The following EFHC2 variants were observed in gnomAD, a reference collection of about 807,000 sequenced individuals.
EFHC2 encodes EF-hand domain-containing family member C2.
A neutral mutation model predicts 52.7 loss-of-function variants in EFHC2; 18 were observed. That is an observed-to-expected ratio of 0.34 (90% CI 0.24 to 0.51). The LOEUF is 0.51. Ranked by LOEUF, EFHC2 falls within the 20% of genes least tolerant of loss-of-function variation. The probability of loss-of-function intolerance (pLI) is 0.97; values close to 1 mark genes in which losing one functional copy is unlikely to be tolerated. For synonymous variants in EFHC2, 203 were observed against 204.1 expected, an observed-to-expected ratio of 0.99 and a Z score of 0.04; for missense variants, 513 against 562.5, an observed-to-expected ratio of 0.91 and a Z score of 0.89.
At chrX:44,242,693 T>G (rs1410145193) in intron 7 of EFHC2, among the ~76,000 whole-genome samples, 1 of 110,834 alleles carries the variant, frequency 9.0e-6, no homozygotes, top group Non-Finnish European at 1.9e-5. Context: ...CAGTCAACAC[T>G]CACTAATAAA....
chrX:44,323,973 C>T (rs1361419267), intron 1 of EFHC2, among the ~76,000 whole-genome samples: 1 of 110,967 alleles, frequency 9.0e-6, no homozygotes, highest in Non-Finnish European at 1.9e-5. Flanking sequence ...AAGATGATAA[C>T]AGCCCCTCCC....
intron 8 of EFHC2, among the ~76,000 whole-genome samples, chrX:44,240,051 T>A (rs1483896906): frequency 8.9e-6 from 1 of 112,345 alleles, no homozygotes; most frequent in African/African-American, 3.2e-5. Flanking sequence ...TAGCAATATA[T>A]ATATAATCAA....
At chrX:44,168,351 T>C (rs770310879) in intron 13 of EFHC2, among the ~76,000 whole-genome samples, 5 of 110,694 alleles carry the variant, frequency 4.5e-5, no homozygotes, top group African/African-American at 1.6e-4. Flanking sequence ...GCTAACACAG[T>C]GAAACCCCGT....
Position 44,229,685 on chromosome X carries a change from G to A in EFHC2, c.1715C>T (p.Ser572Phe). ...ATAATCCACCATATTTGTGTGCTTAGAGTCAGCAGCTTTAAATACCTGCTT... is the reference window on the plus strand; with the variant it reads ...ATAATCCACCATATTTGTGTGCTTAAAGTCAGCAGCTTTAAATACCTGCTT... ...ELKQVFKAAD[S>F]KHTNMVDYNT... The change falls in exon 11 of 15, where the codon TCT (serine) becomes TTT (phenylalanine). Residue 572 changes from serine (S) to phenylalanine (F), a missense_variant. Ser to Phe is a radical substitution (Grantham distance 155). Transcript: ENST00000420999. 2 of 1,211,229 alleles carry A rather than the reference G, an allele frequency of 1.7e-6. No homozygotes were observed. The highest frequency in any genetic ancestry group is 2.2e-6 in the Non-Finnish European group (2 of 895,151).
At chrX:44,325,651 T>C (rs1397092184) in intron 1 of EFHC2, among the ~76,000 whole-genome samples, 2 of 108,527 alleles carry the variant, frequency 1.8e-5, no homozygotes, top group Non-Finnish European at 3.8e-5. Context: ...TCAGGAGCTG[T>C]TGATCTGTTT....
intron 2 of EFHC2, chrX:44,309,371 C>A (rs2037928258): frequency 5.9e-6 from 5 of 843,922 alleles, no homozygotes; most frequent in South Asian, 2.0e-5. Flanking sequence ...CCACTCCCAT[C>A]CTCTGATACT....
At chrX:44,164,612 A>G (rs1406195143) in intron 13 of EFHC2, among the ~76,000 whole-genome samples, 1 of 112,034 alleles carries the variant, frequency 8.9e-6, no homozygotes, top group Non-Finnish European at 1.9e-5. Context: ...GTAAAACAGT[A>G]TGTAGAGTTA....
intron 2 of EFHC2, among the ~76,000 whole-genome samples, chrX:44,311,666 ATGTG>A (rs1028920727): frequency 2.7e-5 from 3 of 111,954 alleles, no homozygotes; most frequent in African/African-American, 9.7e-5. Flanking sequence ...CCATATGTAT[ATGTG>A]TGTGTATGTG....
chrX:44,174,944 C>T (rs2036774928), intron 13 of EFHC2, among the ~76,000 whole-genome samples: 1 of 112,320 alleles, frequency 8.9e-6, no homozygotes, highest in Non-Finnish European at 1.9e-5. Flanking sequence ...ACACATCCAA[C>T]TAGATTTGCC....
intron 8 of EFHC2, among the ~76,000 whole-genome samples, chrX:44,237,070 T>C (rs920971103): frequency 9.0e-6 from 1 of 110,537 alleles, no homozygotes; most frequent in Non-Finnish European, 1.9e-5. Context: ...GAATATAATC[T>C]ACTCAATAAA....
At chrX:44,237,198 T>G (rs898402408) in intron 8 of EFHC2, among the ~76,000 whole-genome samples, 6 of 111,499 alleles carry the variant, frequency 5.4e-5, no homozygotes, top group African/African-American at 2.0e-4. Context: ...AGTAGTTAGC[T>G]CACATCTCCA....
chrX:44,266,333 A>T lies in EFHC2; in HGVS notation c.383-5035T>A, dbSNP rs2037577259. Reference sequence around the variant, plus strand: ...GTTAAATTTGAATTCCAGATAAACAACAAAGAATTCTTTTTTTTTTTAAAT... The same window carrying T: ...GTTAAATTTGAATTCCAGATAAACATCAAAGAATTCTTTTTTTTTTTAAAT... On this transcript the variant is annotated intron_variant, in intron 3 of 14. Coordinates refer to ENST00000420999, the MANE Select transcript of EFHC2 (RefSeq NM_025184.4). 3.6e-5 allele frequency among the ~76,000 whole-genome samples: 4 copies of T among 111,145 alleles called. No individual in the cohort carries two copies. In the South Asian group the frequency reaches 1.5e-3, roughly 42 times the overall value.
At chrX:44,196,350 T>C (rs765247152) in intron 11 of EFHC2, among the ~76,000 whole-genome samples, 2 of 112,276 alleles carry the variant, frequency 1.8e-5, no homozygotes, top group Admixed American at 9.4e-5. Flanking sequence ...ATATACTCTG[T>C]ATGCCAGCCC....
chrX:44,205,054 T>C (rs2037037586), intron 11 of EFHC2, among the ~76,000 whole-genome samples: 2 of 111,798 alleles, frequency 1.8e-5, no homozygotes, highest in Admixed American at 9.5e-5. Flanking sequence ...GACCTATTTT[T>C]AGCCTTCTTA....
At chrX:44,190,380 T>G (rs772115515) in intron 11 of EFHC2, among the ~76,000 whole-genome samples, 16 of 111,600 alleles carry the variant, frequency 1.4e-4, no homozygotes, top group African/African-American at 4.2e-4. Context: ...AAGAATATAC[T>G]GACAAATCTC....
At chrX:44,267,824 T>C (rs2037589056) in intron 3 of EFHC2, among the ~76,000 whole-genome samples, 1 of 111,943 alleles carries the variant, frequency 8.9e-6, no homozygotes. Context: ...CATTAAGTGT[T>C]TTCTTTTTTC....
chrX:44,270,269 A>C (rs1016645541), intron 3 of EFHC2, among the ~76,000 whole-genome samples: 3 of 111,861 alleles, frequency 2.7e-5, no homozygotes, highest in African/African-American at 9.8e-5. Context: ...CACCAGACAC[A>C]ATGAAGCCAT....
intron 7 of EFHC2, 54 bp from the exon 8 acceptor site, chrX:44,242,343 G>A: frequency 8.9e-7 from 1 of 1,125,463 alleles, no homozygotes; most frequent in Non-Finnish European, 1.2e-6. Context: ...CCCTGATTAT[G>A]GCTGTTTTGA....
intron 10 of EFHC2, among the ~76,000 whole-genome samples, chrX:44,232,146 C>T (rs2037282954): frequency 8.9e-6 from 1 of 112,521 alleles, no homozygotes; most frequent in South Asian, 3.7e-4. Flanking sequence ...ATTTTTCTTC[C>T]TTTCCTATAG....
Sources: gnomAD v4.1 joint callset for allele counts (sites outside exome capture counted in the v4.1 genomes callset) on GRCh38, gnomAD v4.1.1 for gene constraint, MANE v1.5 for transcripts, NCBI Gene and HGNC (gene_info 2026-07-23, HGNC 2026-07-21) for gene names.